NPAS3: variants seen among roughly 807,000 people sequenced by gnomAD.
The protein encoded by NPAS3 is neuronal PAS domain-containing protein 3.
Under a neutral mutation model 73.1 loss-of-function variants are expected in NPAS3, and 14 were observed. That is an observed-to-expected ratio of 0.19 (90% CI 0.13 to 0.30). NPAS3 has a LOEUF of 0.30. Among genes scored for constraint, NPAS3 ranks in the 10% least tolerant of loss-of-function variants. The pLI, the probability that NPAS3 is intolerant of heterozygous loss-of-function variation, is 1.00. For synonymous variants in NPAS3, 620 were observed against 541.5 expected (o/e 1.14, Z -2.01); for missense variants, 1,096 against 1,250.0 (o/e 0.88, Z 1.86).
intron 2 of NPAS3, among the ~76,000 whole-genome samples, chr14:33,092,537 T>C (rs2138821181): frequency 6.6e-6 from 1 of 152,302 alleles, no homozygotes; most frequent in East Asian, 1.9e-4. Flanking sequence ...AAAATGGCCA[T>C]ACTGTCCAAG....
At chr14:33,681,704 TATC>T (rs1348193714) in intron 6 of NPAS3, among the ~76,000 whole-genome samples, 1 of 152,206 alleles carries the variant, frequency 6.6e-6, no homozygotes, top group Non-Finnish European at 1.5e-5. Context: ...GGTGAGATAA[TATC>T]ATGGAGACTG....
At chr14:33,093,157 G>T (rs1205554193) in intron 2 of NPAS3, among the ~76,000 whole-genome samples, 8 of 152,144 alleles carry the variant, frequency 5.3e-5, no homozygotes, top group Admixed American at 3.3e-4. Flanking sequence ...CACAGCAAAA[G>T]AAACTATCAT....
rs574373376 is a variant in NPAS3, at chr14:33,258,215, G to A, written c.385+42789G>A. Among the ~76,000 whole-genome samples the A allele has an allele frequency of 3.3e-5, 5 of 152,186 alleles. No homozygotes were observed. In the East Asian group the frequency reaches 9.7e-4, roughly 29 times the overall value. On this transcript the variant is annotated intron_variant, in intron 3 of 11. Transcript: ENST00000356141. ...AGTTTGAGACCAGCCTGGGCAACAC[G>A]TTAAACCTCCATATCTACTAAAAAT...
intron 4 of NPAS3, among the ~76,000 whole-genome samples, chr14:33,519,856 G>A (rs371331304): frequency 6.6e-6 from 1 of 152,042 alleles, no homozygotes; most frequent in Non-Finnish European, 1.5e-5. Flanking sequence ...GAGACCCAAG[G>A]TGCCTTCCCT....
At chr14:33,656,285 G>A (rs1404365476) in intron 5 of NPAS3, among the ~76,000 whole-genome samples, 1 of 151,042 alleles carries the variant, frequency 6.6e-6, no homozygotes, top group African/African-American at 2.4e-5. Context: ...AGTCCACGTG[G>A]GTAATGATTG....
intron 9 of NPAS3, among the ~76,000 whole-genome samples, chr14:33,782,823 T>TAAAAAAAAAAAA (rs199704146): frequency 3.1e-4 from 46 of 148,684 alleles, no homozygotes; most frequent in African/African-American, 4.2e-4. Flanking sequence ...TGTTTTTTTT[T>TAAAAAAAAAAAA]AAAAAAAAGA....
At chr14:33,192,322 G>A (rs1555352839) in intron 2 of NPAS3, among the ~76,000 whole-genome samples, 1 of 152,104 alleles carries the variant, frequency 6.6e-6, no homozygotes, top group Non-Finnish European at 1.5e-5. Flanking sequence ...TTGGCTAAAG[G>A]ACCGTAAAAG....
At chr14:33,091,467 A>G (rs1045193043) in intron 2 of NPAS3, among the ~76,000 whole-genome samples, 1 of 152,224 alleles carries the variant, frequency 6.6e-6, no homozygotes, top group Non-Finnish European at 1.5e-5. Flanking sequence ...GAAGAAACCA[A>G]TAACAGGCTC....
chr14:33,597,506 T>G (rs116131232), intron 5 of NPAS3, among the ~76,000 whole-genome samples: 1 of 152,238 alleles, frequency 6.6e-6, no homozygotes, highest in Non-Finnish European at 1.5e-5. Flanking sequence ...AAATGTCTCA[T>G]GGCATCTCAA....
rs1427956008 is a variant in NPAS3 at position 33,148,471 on chromosome 14, G to A, written c.141-66711G>A. Among the ~76,000 whole-genome samples, 4 of 152,242 alleles carry A rather than the reference G, an allele frequency of 2.6e-5. No homozygotes were observed. In the South Asian group the frequency reaches 6.2e-4, roughly 24 times the overall value. Reference sequence around the variant, plus strand: ...TAGCTAGTCAGAGTTGGGATGTGCTGTATAGAGATACACACTGGATTTCAA... The same window carrying A: ...TAGCTAGTCAGAGTTGGGATGTGCTATATAGAGATACACACTGGATTTCAA... On this transcript the variant is annotated intron_variant, in intron 2 of 11. Coordinates refer to ENST00000356141, the Ensembl canonical transcript of NPAS3.
chr14:33,080,009 T>C (rs2041814848), intron 2 of NPAS3, among the ~76,000 whole-genome samples: 1 of 152,312 alleles, frequency 6.6e-6, no homozygotes. Context: ...TAAAAATATG[T>C]TTCTCACCCA....
At chr14:33,398,046 G>T (rs1193544425) in intron 4 of NPAS3, among the ~76,000 whole-genome samples, 2 of 152,094 alleles carry the variant, frequency 1.3e-5, no homozygotes, top group South Asian at 2.1e-4. Flanking sequence ...CAAAAATTTT[G>T]TTAGGGAAAC....
At chr14:33,013,409 T>C (rs2039282514) in intron 1 of NPAS3, among the ~76,000 whole-genome samples, 1 of 152,208 alleles carries the variant, frequency 6.6e-6, no homozygotes, top group Non-Finnish European at 1.5e-5. Flanking sequence ...TTTAAGATAA[T>C]GAGTTTAAAG....
chr14:33,668,367 T>C (rs868147825), intron 5 of NPAS3, among the ~76,000 whole-genome samples: 91 of 152,202 alleles, frequency 6.0e-4, no homozygotes, highest in African/African-American at 2.1e-3. Context: ...GTAATTGTTA[T>C]ATGGGTGCAT....
intron 9 of NPAS3, among the ~76,000 whole-genome samples, chr14:33,783,600 TG>T (rs1174867733): frequency 2.9e-5 from 1 of 33,944 alleles, no homozygotes; most frequent in Non-Finnish European, 6.0e-5. Context: ...GGGGGTGGTG[TG>T]GGGGGGCGGG....
intron 5 of NPAS3, among the ~76,000 whole-genome samples, chr14:33,599,903 C>A (rs933743301): frequency 1.3e-5 from 2 of 152,164 alleles, no homozygotes; most frequent in Admixed American, 1.3e-4. Context: ...TATTAAAAAT[C>A]TAATTCAGGA....
intron 1 of NPAS3, among the ~76,000 whole-genome samples, chr14:33,044,530 T>TC (rs2040441111): frequency 6.6e-6 from 1 of 152,230 alleles, no homozygotes; most frequent in Non-Finnish European, 1.5e-5. Flanking sequence ...TAGGGAAGTC[T>TC]GTGTAGTTTC....
At chr14:32,996,108 G>A (rs2038559824) in intron 1 of NPAS3, among the ~76,000 whole-genome samples, 1 of 152,204 alleles carries the variant, frequency 6.6e-6, no homozygotes, top group South Asian at 2.1e-4. Context: ...CTGGAGCAAA[G>A]GTGACTCTTG....
chr14:33,693,128 G>A (rs2060278930), intron 6 of NPAS3, among the ~76,000 whole-genome samples: 1 of 152,100 alleles, frequency 6.6e-6, no homozygotes, highest in African/African-American at 2.4e-5. Flanking sequence ...TCCTTCAACT[G>A]TTCATTCACT....
Sources: gnomAD v4.1 joint callset for allele counts (sites outside exome capture counted in the v4.1 genomes callset) on GRCh38, gnomAD v4.1.1 for gene constraint, MANE v1.5 for transcripts, NCBI Gene and HGNC (gene_info 2026-07-23, HGNC 2026-07-21) for gene names.